Variants in OBI1 observed in about 807,000 individuals in gnomAD.
The protein encoded by OBI1 is ORC ubiquitin ligase 1, also known as ring finger protein 219.
OBI1 carries 59 observed loss-of-function variants against 62.4 expected under a neutral mutation model. The observed-to-expected ratio is 0.95, with a 90% CI of 0.77 to 1.17. The LOEUF (loss-of-function observed/expected upper bound fraction) is 1.17, where lower values mean the gene tolerates loss of function less well. Among genes scored for constraint, OBI1 ranks in the 50% most tolerant of loss-of-function variants. The pLI is 0.00. For missense variants in OBI1, 875 were observed against 830.9 expected (o/e 1.05, Z -0.65); for synonymous variants, 302 against 292.8 (o/e 1.03, Z -0.32).
intron 5 of OBI1, among the ~76,000 whole-genome samples, chr13:78,622,152 T>C (rs1254981711): frequency 1.3e-5 from 2 of 152,228 alleles, no homozygotes; most frequent in African/African-American, 4.8e-5. Flanking sequence ...TTCCCATTAA[T>C]TACTAAGACT....
chr13:78,623,270 T>TGA (rs1555288311), intron 5 of OBI1, among the ~76,000 whole-genome samples: 1 of 136,198 alleles, frequency 7.3e-6, no homozygotes, highest in African/African-American at 2.7e-5. Context: ...AGAGAACATT[T>TGA]AAAAAAAAAA....
intron 5 of OBI1, among the ~76,000 whole-genome samples, chr13:78,632,075 C>T (rs1323113981): frequency 2.6e-5 from 4 of 151,894 alleles, no homozygotes; most frequent in African/African-American, 9.7e-5. Flanking sequence ...ATGTCCTCAC[C>T]CTCCCCTCCA....
chr13:78,657,054 G>A (rs930980854), intron 1 of OBI1, among the ~76,000 whole-genome samples: 12 of 151,808 alleles, frequency 7.9e-5, no homozygotes, highest in African/African-American at 2.7e-4. Context: ...CAAAGTGCTG[G>A]GATTACAGGC....
chr13:78,643,676 T>C (rs2137459736), intron 2 of OBI1, among the ~76,000 whole-genome samples: 1 of 152,160 alleles, frequency 6.6e-6, no homozygotes, highest in Non-Finnish European at 1.5e-5. Context: ...TAATCCCAGC[T>C]ACTTAGGAGG....
chr13:78,646,544 T>C (rs780446982), intron 1 of OBI1, among the ~76,000 whole-genome samples: 64 of 152,124 alleles, frequency 4.2e-4, no homozygotes, highest in Non-Finnish European at 2.2e-4. Context: ...ACTCAAAACA[T>C]TTCATAGCCA....
intron 1 of OBI1, among the ~76,000 whole-genome samples, chr13:78,650,528 G>A (rs984260402): frequency 6.6e-6 from 1 of 152,114 alleles, no homozygotes; most frequent in Non-Finnish European, 1.5e-5. Flanking sequence ...TGTAACTGGA[G>A]TCAGTAAGTG....
At chr13:78,643,596 C>A (rs1876285145) in intron 2 of OBI1, among the ~76,000 whole-genome samples, 2 of 152,266 alleles carry the variant, frequency 1.3e-5, no homozygotes, top group South Asian at 4.1e-4. Flanking sequence ...CGAGACCAGC[C>A]TGACCAACAT....
intron 3 of OBI1, among the ~76,000 whole-genome samples, chr13:78,641,196 T>C (rs1876205896): frequency 6.6e-6 from 1 of 152,198 alleles, no homozygotes; most frequent in Non-Finnish European, 1.5e-5. Flanking sequence ...GTATGATAAA[T>C]ATTCATTATA....
chr13:78,631,708 C>A lies in OBI1; in HGVS notation c.638+3402G>T, dbSNP rs115362276. ...TGGACAACGAGTTTGGATATTAGGA[C>A]AAATGAATTTTTGGCAAGGAACAGG... On this transcript the variant is annotated intron_variant, in intron 5 of 5. Transcript: ENST00000282003. 3.2e-3 allele frequency among the ~76,000 whole-genome samples: 487 copies of A among 152,152 alleles called. 2 individuals are homozygous for A. Among genetic ancestry groups the A allele is most frequent in the African/African-American group, 0.011 (468 of 41,532 alleles).
In OBI1 at chr13:78,656,510, A is replaced by G. The variant is rs1425192874; in HGVS notation, c.72+2539T>C. On this transcript the variant is annotated intron_variant, in intron 1 of 5. Transcript: ENST00000282003. ...GGCAGGAGAATTGCTTGAACCCGGG[A>G]GGCGGAGGTTGCGGTGAGCCGAGAT... 4.0e-5 allele frequency among the ~76,000 whole-genome samples: 6 copies of G among 151,552 alleles called. No individual in the cohort carries two copies. In the South Asian group the frequency reaches 8.4e-4, roughly 21 times the overall value.
chr13:78,649,482 G>A (rs1876484149), intron 1 of OBI1, among the ~76,000 whole-genome samples: 2 of 152,222 alleles, frequency 1.3e-5, no homozygotes, highest in African/African-American at 4.8e-5. Flanking sequence ...TTACCGACAA[G>A]CACTGTTTCA....
At position 78,639,035 on chromosome 13, in the gene OBI1, G is replaced by C. The variant is rs774157391; in HGVS notation, c.337C>G (p.Leu113Val). The change falls in exon 4 of 6, where the codon CTT becomes GTT. Residue 113 changes from leucine (L) to valine (V), a missense_variant. Coordinates refer to ENST00000282003, the MANE Select transcript of OBI1 (RefSeq NM_024546.4). ...TCCAAGCTGAGATTTTTACTCTTAAGCTCTTCTACTTCTTTCTGTAAACAA... is the reference window on the plus strand; with the variant it reads ...TCCAAGCTGAGATTTTTACTCTTAACCTCTTCTACTTCTTTCTGTAAACAA... ...IDCLQKEVEE[L>V]KSKNLSLESQ... 1.9e-6 allele frequency: 3 copies of C among 1,613,476 alleles called. No individual in the cohort carries two copies. In the African/African-American group the frequency reaches 4.0e-5, roughly 22 times the overall value.
chr13:78,622,586 T>C (rs1875547575), intron 5 of OBI1, among the ~76,000 whole-genome samples: 1 of 152,198 alleles, frequency 6.6e-6, no homozygotes, highest in Non-Finnish European at 1.5e-5. Flanking sequence ...AAAGTATCTT[T>C]TCTATTTTAA....
chr13:78,617,486 T>G, intron 5 of OBI1, among the ~76,000 whole-genome samples: 1 of 152,234 alleles, frequency 6.6e-6, no homozygotes, highest in East Asian at 1.9e-4. Flanking sequence ...ATGATAACAT[T>G]TGAACAGTGG....
At chr13:78,637,250 A>G (rs1876058177) in intron 4 of OBI1, among the ~76,000 whole-genome samples, 1 of 152,160 alleles carries the variant, frequency 6.6e-6, no homozygotes, top group Non-Finnish European at 1.5e-5. Flanking sequence ...ATTACTCCAC[A>G]CTTTAGTTTT....
At chr13:78,647,094 A>G (rs1876407716) in intron 1 of OBI1, among the ~76,000 whole-genome samples, 1 of 152,262 alleles carries the variant, frequency 6.6e-6, no homozygotes, top group Non-Finnish European at 1.5e-5. Context: ...TGCACGGCGG[A>G]AAGCCGCAGG....
chr13:78,636,748 C>T (rs929699952), intron 4 of OBI1, among the ~76,000 whole-genome samples: 20 of 152,172 alleles, frequency 1.3e-4, no homozygotes, highest in Non-Finnish European at 2.5e-4. Context: ...CATTTACTTC[C>T]TCATATATGC....
chr13:78,622,490 C>T (rs1161414583), intron 5 of OBI1, among the ~76,000 whole-genome samples: 4 of 152,156 alleles, frequency 2.6e-5, no homozygotes, highest in Non-Finnish European at 5.9e-5. Flanking sequence ...AAAGAATGAT[C>T]CATTCATAGA....
At position 78,615,603 on chromosome 13, in the gene OBI1, G is replaced by C; in HGVS notation, c.2158C>G (p.Pro720Ala). The change falls in exon 6 of 6, where the codon CCA (proline) becomes GCA (alanine). Residue 720 changes from proline (P) to alanine (A), a missense_variant. Coordinates refer to ENST00000282003, the MANE Select transcript of OBI1 (RefSeq NM_024546.4). ...AGTCAACTTTTAGTTGCTTTTGATG[G>C]GCTGGCACTGGAAAGGCTGCTCTGG... Reference protein sequence around the residue: ...KIQSSLSSASPSKATKS With the variant: ...KIQSSLSSASASKATKS 6.2e-7 allele frequency: 1 copy of C among 1,609,610 alleles called. No homozygotes were observed. The highest frequency in any genetic ancestry group is 8.5e-7 in the Non-Finnish European group (1 of 1,177,986).
Sources: allele counts gnomAD v4.1 joint callset (sites outside exome capture counted in the v4.1 genomes callset), GRCh38; gene constraint gnomAD v4.1.1; transcripts MANE v1.5; gene names NCBI Gene and HGNC (gene_info 2026-07-23, HGNC 2026-07-21).